Variants in CMTR1 observed in about 807,000 individuals in gnomAD.
The protein encoded by CMTR1 is cap-specific mRNA (nucleoside-2'-O-)-methyltransferase 1.
CMTR1 carries 39 observed loss-of-function variants against 107.0 expected under a neutral mutation model. The observed-to-expected ratio is 0.36, with a 90% CI of 0.28 to 0.48. The LOEUF (loss-of-function observed/expected upper bound fraction) is 0.48, where lower values mean the gene tolerates loss of function less well. CMTR1 is among the 20% of genes least tolerant of loss of function. The probability of loss-of-function intolerance (pLI) is 0.99; values close to 1 mark genes in which losing one functional copy is unlikely to be tolerated. For missense variants in CMTR1, 672 were observed against 1,064.9 expected, an observed-to-expected ratio of 0.63 and a Z score of 5.14; for synonymous variants, 366 against 379.5, an observed-to-expected ratio of 0.96 and a Z score of 0.41.
At chr6:37,441,888 T>G (rs1228924044) in intron 2 of CMTR1, among the ~76,000 whole-genome samples, 2 of 152,320 alleles carry the variant, frequency 1.3e-5, no homozygotes, top group East Asian at 3.9e-4. Flanking sequence ...TTGGTTCATG[T>G]AAGCAAGTCA....
intron 13 of CMTR1, among the ~76,000 whole-genome samples, 182 bp downstream of exon 13, chr6:37,463,190 CCTG>C (rs1377206072): frequency 2.6e-5 from 4 of 152,200 alleles, no homozygotes; most frequent in African/African-American, 9.6e-5. Flanking sequence ...GGACCCCCAT[CCTG>C]CTGCCATGCC....
intron 10 of CMTR1, 41 bp from the exon 11 acceptor site, chr6:37,461,508 C>T: frequency 2.6e-6 from 3 of 1,168,328 alleles, no homozygotes; most frequent in Non-Finnish European, 3.8e-6. Flanking sequence ...TAGTCCTTCT[C>T]TTTTCTCTTT....
At chr6:37,456,737 C>T (rs367674646) in intron 8 of CMTR1, among the ~76,000 whole-genome samples, 1 of 152,190 alleles carries the variant, frequency 6.6e-6, no homozygotes, top group African/African-American at 2.4e-5. Context: ...TTTGCAGTTA[C>T]TCACTTGTAG....
At position 37,471,043 on chromosome 6, in the gene CMTR1, G is replaced by A; in HGVS notation, c.1528G>A (p.Ala510Thr). ...NESHCSLQIK[A>T]LAKIHAFVQD... ...TAGCCACTGTAGTCTGCAGATCAAA[G>A]CTCTGGCGAAAATCCATGCCTTTGT... Residue 510 changes from alanine to threonine, a missense_variant, in exon 14 of 24, where the codon GCT becomes ACT. Physicochemically the swap from Ala to Thr is moderately conservative, Grantham distance 58 (BLOSUM62 0). Transcript: ENST00000373451. 1 of 1,606,776 alleles carries A rather than the reference G, an allele frequency of 6.2e-7. No homozygotes were observed. The highest frequency in any genetic ancestry group is 8.5e-7 in the Non-Finnish European group (1 of 1,176,998).
chr6:37,444,750 C>T (rs1233257868), intron 3 of CMTR1, among the ~76,000 whole-genome samples: 1 of 152,142 alleles, frequency 6.6e-6, no homozygotes, highest in Non-Finnish European at 1.5e-5. Flanking sequence ...TTGGGCCAGG[C>T]GCAGTGGCTC....
the CMTR1 span, among the ~76,000 whole-genome samples, chr6:37,428,008 CAGAGAGAGAGAG>C: frequency 0.026 from 2,994 of 114,844 alleles, 63 homozygotes; most frequent in Admixed American, 0.071. Flanking sequence ...GCAACAGAGA[CAGAGAGAGAGAG>C]AGAGAGAGAG....
At chr6:37,432,334 CCTT>C (rs1312303483), upstream of CMTR1, among the ~76,000 whole-genome samples, 1 of 152,090 alleles carries the variant, frequency 6.6e-6, no homozygotes, top group Non-Finnish European at 1.5e-5. Flanking sequence ...TTTTAAATTC[CCTT>C]CTTTTCACAG....
upstream of CMTR1, among the ~76,000 whole-genome samples, chr6:37,428,484 G>A (rs569429136): frequency 6.6e-6 from 1 of 152,108 alleles, no homozygotes; most frequent in South Asian, 2.1e-4. Flanking sequence ...TTGAGATGGA[G>A]TCTCACTCTG....
chr6:37,473,408 A>T, intron 16 of CMTR1, 62 bp from the exon 17 acceptor site: 1 of 1,562,982 alleles, frequency 6.4e-7, no homozygotes. Flanking sequence ...CCCAGCCCAG[A>T]TAGGCACCCA....
chr6:37,458,825 G>T lies in CMTR1; in HGVS notation c.976+15G>T. 6.2e-7 allele frequency: 1 copy of T among 1,613,022 alleles called. No individual in the cohort carries two copies. Among genetic ancestry groups the T allele is most frequent in the Non-Finnish European group, 8.5e-7 (1 of 1,179,522 alleles). On this transcript the variant is annotated intron_variant, in intron 9 of 23. Transcript: ENST00000373451. The surrounding 1 kb of genome is among the most constrained non-coding windows in gnomAD (Gnocchi z 4.7). ...ACCCTACTATGGTAGGGACATTGAG[G>T]AGGGTACTAGGAGGTATGAGGGACA... is the stretch of plus-strand genomic sequence containing the variant.
intron 6 of CMTR1, among the ~76,000 whole-genome samples, chr6:37,452,293 A>G (rs1203153017): frequency 6.6e-6 from 1 of 152,162 alleles, no homozygotes; most frequent in Non-Finnish European, 1.5e-5. Context: ...ATGAGGAGAA[A>G]ATACTCTTTT....
chr6:37,480,386 G>A lies in CMTR1; in HGVS notation c.*241G>A, dbSNP rs1761830873. 1.5e-6 allele frequency: 2 copies of A among 1,330,550 alleles called. No individual in the cohort carries two copies. Among genetic ancestry groups the A allele is most frequent in the African/African-American group, 1.6e-5 (1 of 64,484 alleles). The allele number at this position is 1,330,550 out of a possible 1,614,324, so 82.4% of individuals were successfully genotyped here. On this transcript the variant is annotated 3_prime_UTR_variant, in exon 24 of 24. Coordinates refer to ENST00000373451, the MANE Select transcript of CMTR1 (RefSeq NM_015050.3). ...ACTTTCCCCTGCCAGGACTCAGCCT[G>A]AAGGAAGCTGCTCCTGAGGCAGGTA...
chr6:37,461,749 A>C (rs1484241917), intron 11 of CMTR1, 104 bp downstream of exon 11: 2 of 875,390 alleles, frequency 2.3e-6, no homozygotes, highest in Non-Finnish European at 3.5e-6. Context: ...AAATCTGCTT[A>C]TATTAGAGGA....
At chr6:37,475,300 T>C (rs374320300) in intron 18 of CMTR1, 21 bp from the exon 19 acceptor site, 7 of 1,598,552 alleles carry the variant, frequency 4.4e-6, no homozygotes, top group African/African-American at 2.7e-5. Flanking sequence ...GAGTGGGCAG[T>C]GTACCTACTT....
Position 37,472,636 on chromosome 6 carries a change from G to T in CMTR1, c.1689+149G>T. The T allele has an allele frequency of 1.3e-6, 1 of 746,832 alleles. No homozygotes were observed. The highest frequency in any genetic ancestry group is 2.6e-5 in the East Asian group (1 of 37,794). The allele number at this position is 746,832 out of a possible 1,614,324, so 46.3% of individuals were successfully genotyped here. ...AAGGGGCGGAGCTAAGGCTGCCACA[G>T]GTGGGAACCTTTGGTATAGGGTGTT... On this transcript the variant is annotated intron_variant, in intron 16 of 23. Coordinates refer to ENST00000373451, the MANE Select transcript of CMTR1 (RefSeq NM_015050.3). The surrounding 1 kb of genome is among the most constrained non-coding windows in gnomAD (Gnocchi z 4.1).
chr6:37,450,426 T>C, intron 5 of CMTR1, 83 bp downstream of exon 5: 1 of 1,016,224 alleles, frequency 9.8e-7, no homozygotes, highest in Non-Finnish European at 1.5e-6. Flanking sequence ...TACATACACT[T>C]GCAGTTTAAG....
intron 7 of CMTR1, 34 bp from the exon 8 acceptor site, chr6:37,453,206 A>G (rs773659806): frequency 1.2e-6 from 2 of 1,612,822 alleles, no homozygotes; most frequent in East Asian, 4.5e-5. Flanking sequence ...TGAGCCTAGT[A>G]CATCTAGTAC....
rs771587025 is a variant in CMTR1 at position 37,474,640 on chromosome 6, A to G, written c.1938A>G (p.Lys646=). Residue 646 remains lysine, a synonymous_variant, in exon 18 of 24, where the codon AAA becomes AAG. Coordinates refer to ENST00000373451, the MANE Select transcript of CMTR1 (RefSeq NM_015050.3). ...LLSVEIVHEL[K]GEGKAQRKIS... is the part of the protein sequence containing the mutation. ...CTGTGGAAATTGTGCATGAGCTGAA[A>G]GGGGAGGTCAGAGATGGTTCTGCTC... 1 of 1,613,708 alleles carries G rather than the reference A, an allele frequency of 6.2e-7. No individual in the cohort carries two copies. The highest frequency in any genetic ancestry group is 2.2e-5 in the East Asian group (1 of 44,860).
intron 13 of CMTR1, among the ~76,000 whole-genome samples, chr6:37,470,667 A>AG (rs1330507867): frequency 1.3e-5 from 2 of 152,252 alleles, no homozygotes; most frequent in African/African-American, 4.8e-5. Flanking sequence ...TAAAGTAGAA[A>AG]GGGTGGCTGT....
Sources: gnomAD v4.1 joint callset for allele counts (sites outside exome capture counted in the v4.1 genomes callset) on GRCh38, gnomAD v4.1.1 for gene constraint, Gnocchi (gnomAD v3.1) non-coding constraint, MANE v1.5 for transcripts, NCBI Gene and HGNC (gene_info 2026-07-23, HGNC 2026-07-21) for gene names.